CFAP47: variants seen among roughly 807,000 people sequenced by gnomAD.
The protein encoded by CFAP47 is cilia and flagella associated protein 47, also known as cilia- and flagella-associated protein 47.
CFAP47 carries 29 observed loss-of-function variants against 148.1 expected under a neutral mutation model. That is an observed-to-expected ratio of 0.20 (90% CI 0.15 to 0.27). The LOEUF (loss-of-function observed/expected upper bound fraction) is 0.27, where lower values mean the gene tolerates loss of function less well. Ranked by LOEUF, CFAP47 falls within the 10% of genes least tolerant of loss-of-function variation. CFAP47 has a pLI of 1.00. For missense variants in CFAP47, 1,872 were observed against 1,697.5 expected (o/e 1.10, Z -1.81); for synonymous variants, 664 against 577.3 (o/e 1.15, Z -2.15).
intron 8 of CFAP47, among the ~76,000 whole-genome samples, chrX:35,960,372 T>A (rs1936309391): frequency 1.7e-5 from 1 of 58,118 alleles, no homozygotes; most frequent in African/African-American, 1.6e-4. Context: ...ATTAGCTTGC[T>A]AATTTCTGAA....
Position 36,168,051 on chromosome X carries a change from T to A in CFAP47, c.6026+7282T>A, listed in dbSNP as rs993094483. ...AGCTCCTTTTTTATTACTATTTTCATGGTATTCCTTTTTAAATCTTTTTAA... is the reference window on the plus strand; with the variant it reads ...AGCTCCTTTTTTATTACTATTTTCAAGGTATTCCTTTTTAAATCTTTTTAA... On this transcript the variant is annotated intron_variant, in intron 39 of 63. Coordinates refer to ENST00000378653, the MANE Select transcript of CFAP47 (RefSeq NM_001304548.2). Among the ~76,000 whole-genome samples, 4 of 111,258 alleles carry A rather than the reference T, an allele frequency of 3.6e-5. No individual in the cohort carries two copies. In the East Asian group the frequency reaches 1.1e-3, roughly 32 times the overall value.
At position 36,073,299 on chromosome X, in the gene CFAP47, C is replaced by T. The variant is rs753390251; in HGVS notation, c.4626C>T (p.Thr1542=). ...AGAAGGTTGTAAATGCAGCACAGAC[C>T]TGGTTCAGTCTCTTTGGCTGGCCTG... ...FFEKVVNAAQ[T]WFSLFGWPEG... is the part of the protein sequence containing the mutation. The change falls in exon 29 of 64, where the codon ACC becomes ACT. Residue 1542 remains threonine, a synonymous_variant. Coordinates refer to ENST00000378653, the MANE Select transcript of CFAP47 (RefSeq NM_001304548.2). 2.5e-6 allele frequency: 3 copies of T among 1,210,389 alleles called. No homozygotes were observed. Among genetic ancestry groups the T allele is most frequent in the Non-Finnish European group, 3.4e-6 (3 of 894,696 alleles).
intron 55 of CFAP47, among the ~76,000 whole-genome samples, chrX:36,309,842 T>C (rs1556009555): frequency 9.0e-6 from 1 of 111,434 alleles, no homozygotes; most frequent in Non-Finnish European, 1.9e-5. Flanking sequence ...TAGGACGTTA[T>C]TATTGAAAAT....
At chrX:36,237,098 A>G (rs1425002521) in intron 48 of CFAP47, among the ~76,000 whole-genome samples, 2 of 111,921 alleles carry the variant, frequency 1.8e-5, no homozygotes, top group Non-Finnish European at 3.8e-5. Context: ...AAAGCACATT[A>G]AAATCTACTT....
intron 54 of CFAP47, among the ~76,000 whole-genome samples, chrX:36,304,775 A>G (rs1941333261): frequency 9.0e-6 from 1 of 111,143 alleles, no homozygotes; most frequent in Non-Finnish European, 1.9e-5. Flanking sequence ...TCATTCTTAG[A>G]TCCTGGCAGA....
chrX:36,327,959 G>GGGAA (rs1180996995), intron 57 of CFAP47, among the ~76,000 whole-genome samples: 1 of 111,064 alleles, frequency 9.0e-6, no homozygotes, highest in South Asian at 3.8e-4. Flanking sequence ...GAGGGTGGGA[G>GGGAA]GGAAGGGGGA....
chrX:36,237,507 T>C lies in CFAP47; in HGVS notation c.7332+648T>C, dbSNP rs782006409. On this transcript the variant is annotated intron_variant, in intron 48 of 63. Transcript: ENST00000378653. Reference sequence around the variant, plus strand: ...ACCACGCCCAGCTACTTTCTATATTTTTTGTAGAGATGGGGTTTTACCATG... The same window carrying C: ...ACCACGCCCAGCTACTTTCTATATTCTTTGTAGAGATGGGGTTTTACCATG... Among the ~76,000 whole-genome samples the C allele has an allele frequency of 7.2e-5, 8 of 111,184 alleles. No individual in the cohort carries two copies. The South Asian group carries it at 2.6e-3, about 37-fold the overall frequency.
At chrX:36,052,199 A>T (rs752548418) in intron 26 of CFAP47, among the ~76,000 whole-genome samples, 12 of 111,642 alleles carry the variant, frequency 1.1e-4, no homozygotes, top group Non-Finnish European at 1.9e-4. Flanking sequence ...TGGCACAGAA[A>T]CTCCTGGAAA....
At position 36,336,236 on chromosome X, in the gene CFAP47, GACACACAGACACAC is replaced by G. The variant is rs1287581357; in HGVS notation, c.8444-11885_8444-11872del. Among the ~76,000 whole-genome samples the G allele has an allele frequency of 9.0e-4, 28 of 31,236 alleles. 1 individual carries two copies. The highest frequency in any genetic ancestry group is 0.053 in the Middle Eastern group (2 of 38). The allele number at this position is 31,236 out of a possible 115,157, so 27.1% of individuals were successfully genotyped here. On this transcript the variant is annotated intron_variant, in intron 57 of 63. Coordinates refer to ENST00000378653, the MANE Select transcript of CFAP47 (RefSeq NM_001304548.2). ...TCTGTCTCTCTCTCTCTCTGTCACA[GACACACAGACACAC>G]ACACACACACACACACACACACACA...
intron 30 of CFAP47, among the ~76,000 whole-genome samples, chrX:36,093,846 A>G (rs1312777286): frequency 9.1e-6 from 1 of 110,166 alleles, no homozygotes; most frequent in East Asian, 2.9e-4. Context: ...GGATTTGTCT[A>G]TTTTCTTTGT....
chrX:35,966,852 T>G (rs1936415410), intron 9 of CFAP47, 98 bp downstream of exon 9: 1 of 599,763 alleles, frequency 1.7e-6, no homozygotes, highest in South Asian at 6.7e-5. Context: ...CGCACATATA[T>G]GTGAAAGAAG....
In CFAP47 at chrX:36,384,989, T is replaced by G; in HGVS notation, c.9547T>G (p.Leu3183Val). The change falls in exon 64 of 64, where the codon TTG (leucine) becomes GTG (valine). Residue 3183 changes from leucine to valine, a missense_variant. By Grantham distance (32) the Leu-to-Val change is conservative. Transcript: ENST00000378653. ...GTCTTCCACCATCAAGGGTGCTCCT[T>G]TGGTGAAGAATCAATAAAATTTTTT... ...GVSSTIKGAP[L>V]VKNQ 5.2e-6 allele frequency: 6 copies of G among 1,158,488 alleles called. No individual in the cohort carries two copies. Among genetic ancestry groups the G allele is most frequent in the Non-Finnish European group, 6.9e-6 (6 of 865,251 alleles).
chrX:36,016,701 CTTTTTTT>C (rs1281064323), intron 22 of CFAP47, among the ~76,000 whole-genome samples: 7 of 54,452 alleles, frequency 1.3e-4, no homozygotes, highest in African/African-American at 4.2e-4. Flanking sequence ...TTATGCCAGT[CTTTTTTT>C]TTTTTTTTTT....
intron 26 of CFAP47, among the ~76,000 whole-genome samples, chrX:36,048,961 G>T (rs1489409283): frequency 9.0e-6 from 1 of 111,161 alleles, no homozygotes; most frequent in Non-Finnish European, 1.9e-5. Flanking sequence ...AAGGCAGCAG[G>T]AACAGATTAT....
At position 36,034,433 on chromosome X, in the gene CFAP47, A is replaced by G. The variant is rs188266711; in HGVS notation, c.3652-1262A>G. ...TCTATCCTTTGGAAGTGTGTGATCAATTTTAGCCTACAATCAAGTGGTAGG... is the reference window on the plus strand; with the variant it reads ...TCTATCCTTTGGAAGTGTGTGATCAGTTTTAGCCTACAATCAAGTGGTAGG... On this transcript the variant is annotated intron_variant, in intron 23 of 63. Transcript: ENST00000378653. 5.4e-5 allele frequency among the ~76,000 whole-genome samples: 6 copies of G among 111,156 alleles called. No homozygotes were observed. The East Asian group carries it at 1.1e-3, about 21-fold the overall frequency.
At chrX:36,048,667 G>A (rs919298606) in intron 26 of CFAP47, among the ~76,000 whole-genome samples, 4 of 111,537 alleles carry the variant, frequency 3.6e-5, no homozygotes, top group Non-Finnish European at 5.6e-5. Flanking sequence ...CCCTACTTGC[G>A]TCTTACCCAA....
At chrX:35,968,062 C>T (rs1420094837) in intron 10 of CFAP47, among the ~76,000 whole-genome samples, 1 of 110,322 alleles carries the variant, frequency 9.1e-6, no homozygotes, top group Non-Finnish European at 1.9e-5. Context: ...TCAATATGTA[C>T]TTGCCTGGAA....
chrX:36,258,156 T>A, intron 49 of CFAP47, among the ~76,000 whole-genome samples: 1 of 112,233 alleles, frequency 8.9e-6, no homozygotes, highest in Non-Finnish European at 1.9e-5. Context: ...AATTTGCAAT[T>A]TGGAACTTGC....
chrX:35,924,254 G>T (rs952797403), intron 1 of CFAP47, among the ~76,000 whole-genome samples: 16 of 78,290 alleles, frequency 2.0e-4, no homozygotes, highest in Admixed American at 1.2e-3. Flanking sequence ...TGTGCATATG[G>T]ACATGTATGT....
Sources: allele counts gnomAD v4.1 joint callset (sites outside exome capture counted in the v4.1 genomes callset), GRCh38; gene constraint gnomAD v4.1.1; transcripts MANE v1.5; gene names NCBI Gene and HGNC (gene_info 2026-07-23, HGNC 2026-07-21).